The following BTBD16 variants were observed in gnomAD, a reference collection of about 807,000 sequenced individuals.
BTBD16 encodes BTB/POZ domain-containing protein 16.
In BTBD16, 66 loss-of-function variants were observed where a neutral mutation model predicts 67.4. The ratio of observed to expected loss-of-function variants is 0.98; its 90% CI spans 0.80 to 1.20. The LOEUF (loss-of-function observed/expected upper bound fraction) is 1.20, where lower values mean the gene tolerates loss of function less well. BTBD16 is among the 50% of genes most tolerant of loss of function. BTBD16 has a pLI of 0.00. For missense variants in BTBD16, 634 were observed against 616.0 expected, an observed-to-expected ratio of 1.03 and a Z score of -0.31; for synonymous variants, 242 against 236.4, an observed-to-expected ratio of 1.02 and a Z score of -0.22.
At chr10:122,290,789 A>G (rs2096372495) in intron 6 of BTBD16, among the ~76,000 whole-genome samples, 2 of 152,164 alleles carry the variant, frequency 1.3e-5, no homozygotes, top group South Asian at 4.1e-4. Context: ...TGCGCAGGCC[A>G]CAGACCCCAG....
intron 15 of BTBD16, among the ~76,000 whole-genome samples, chr10:122,337,701 G>A (rs1286113083): frequency 6.6e-6 from 1 of 152,142 alleles, no homozygotes; most frequent in Non-Finnish European, 1.5e-5. Context: ...TCCTGACCTC[G>A]TGATCCATCC....
intron 10 of BTBD16, among the ~76,000 whole-genome samples, chr10:122,321,889 A>G (rs1195214259): frequency 6.6e-6 from 1 of 152,144 alleles, no homozygotes; most frequent in African/African-American, 2.4e-5. Context: ...GACAATCACA[A>G]AATTTTTTGA....
rs554646012 is a variant in BTBD16, at chr10:122,288,244, C to T, written c.386-1665C>T. Reference sequence around the variant, plus strand: ...GCATCCTCCCATTTACTCCCTGCCACGGGGTGGATGGCAGGCTGGCGTGAG... The same window carrying T: ...GCATCCTCCCATTTACTCCCTGCCATGGGGTGGATGGCAGGCTGGCGTGAG... On this transcript the variant is annotated intron_variant, in intron 5 of 15. Transcript: ENST00000260723. Among the ~76,000 whole-genome samples, 37 of 152,284 alleles carry T rather than the reference C, an allele frequency of 2.4e-4. No homozygotes were observed. The East Asian group carries it at 6.8e-3, about 28-fold the overall frequency.
At chr10:122,335,381 G>C (rs1001829870) in intron 14 of BTBD16, among the ~76,000 whole-genome samples, 1 of 152,230 alleles carries the variant, frequency 6.6e-6, no homozygotes, top group Non-Finnish European at 1.5e-5. Flanking sequence ...AAGCTGCAAA[G>C]CAGGCTGTGG....
At chr10:122,308,056 C>T (rs1455797080) in intron 10 of BTBD16, among the ~76,000 whole-genome samples, 1 of 152,226 alleles carries the variant, frequency 6.6e-6, no homozygotes, top group Admixed American at 6.5e-5. Context: ...CGCCCTCCCC[C>T]ACTCTTTTAA....
chr10:122,336,952 T>TG (rs1366031078), intron 15 of BTBD16, among the ~76,000 whole-genome samples: 5 of 148,748 alleles, frequency 3.4e-5, no homozygotes, highest in African/African-American at 9.9e-5. Context: ...TCAAAGGGTA[T>TG]TTTTTTTTTA....
rs1263269726 is a variant in BTBD16, at chr10:122,286,215, C to T, written c.352C>T (p.His118Tyr). The T allele has an allele frequency of 2.5e-6, 4 of 1,613,482 alleles. No individual in the cohort carries two copies. The highest frequency in any genetic ancestry group is 1.1e-5 in the South Asian group (1 of 91,004). ...GAAAGCCCTGGCGCAGGGCACCACACACCCCCTGAGGGAGCTGGAGGAGCT... is the reference window on the plus strand; with the variant it reads ...GAAAGCCCTGGCGCAGGGCACCACATACCCCCTGAGGGAGCTGGAGGAGCT... ...YLKALAQGTT[H>Y]PLRELEELLR... Residue 118 changes from histidine (H) to tyrosine (Y), a missense_variant, in exon 5 of 16, where the codon CAC (histidine) becomes TAC (tyrosine). Physicochemically the swap from His to Tyr is moderately conservative, Grantham distance 83. Coordinates refer to ENST00000260723, the MANE Select transcript of BTBD16 (RefSeq NM_144587.5).
At chr10:122,275,189 C>A in intron 2 of BTBD16, 90 bp downstream of exon 2, 1 of 1,265,298 alleles carries the variant, frequency 7.9e-7, no homozygotes, top group South Asian at 1.2e-5. Flanking sequence ...GGGCTGGGTT[C>A]TGCACCACCG....
chr10:122,331,397 G>A, intron 12 of BTBD16, 139 bp downstream of exon 12: 1 of 1,299,810 alleles, frequency 7.7e-7, no homozygotes, highest in Non-Finnish European at 1.0e-6. Context: ...TCCAGGGAAA[G>A]TGGGGAGAGC....
At chr10:122,284,291 A>T (rs1280697599) in intron 4 of BTBD16, among the ~76,000 whole-genome samples, 1 of 152,154 alleles carries the variant, frequency 6.6e-6, no homozygotes, top group Non-Finnish European at 1.5e-5. Context: ...TCTACTAAAA[A>T]TACAAAAACT....
chr10:122,324,435 G>A (rs1048764277), intron 10 of BTBD16, among the ~76,000 whole-genome samples: 1 of 152,226 alleles, frequency 6.6e-6, no homozygotes, highest in African/African-American at 2.4e-5. Flanking sequence ...CAGGGTGGGC[G>A]AGGCCATGTG....
At chr10:122,295,265 G>A (rs2096381046) in intron 7 of BTBD16, 4 of 977,540 alleles carry the variant, frequency 4.1e-6, no homozygotes, top group Admixed American at 6.1e-5. Flanking sequence ...CCAAGAGGAG[G>A]TGGTGCTGGA....
intron 9 of BTBD16, among the ~76,000 whole-genome samples, chr10:122,304,367 T>G (rs1490053664): frequency 6.6e-6 from 1 of 152,122 alleles, no homozygotes; most frequent in East Asian, 1.9e-4. Context: ...CATAGAGTGG[T>G]TGAATGTGGA....
chr10:122,310,898 C>T (rs908458106), intron 10 of BTBD16, among the ~76,000 whole-genome samples: 2 of 152,126 alleles, frequency 1.3e-5, no homozygotes, highest in African/African-American at 2.4e-5. Context: ...GCAGCAACTG[C>T]GGGCATGGCC....
intron 3 of BTBD16, among the ~76,000 whole-genome samples, chr10:122,283,351 G>A (rs1354875754): frequency 6.6e-6 from 1 of 152,218 alleles, no homozygotes; most frequent in Non-Finnish European, 1.5e-5. Flanking sequence ...GCAGGCTGGT[G>A]GTGCCATTTC....
chr10:122,275,174 A>C (rs920982980), intron 2 of BTBD16, 75 bp downstream of exon 2: 6 of 1,461,790 alleles, frequency 4.1e-6, no homozygotes, highest in Middle Eastern at 3.5e-4. Flanking sequence ...ACAAATTTCC[A>C]CAAGGGGCTG....
intron 3 of BTBD16, 65 bp from the exon 4 acceptor site, chr10:122,283,786 A>G: frequency 1.7e-6 from 2 of 1,205,764 alleles, no homozygotes; most frequent in South Asian, 1.2e-5. Flanking sequence ...AGAATAATGC[A>G]TGTTGTAGTT....
chr10:122,283,955 G>A (rs370258698), intron 4 of BTBD16, 31 bp downstream of exon 4: 50 of 1,527,012 alleles, frequency 3.3e-5, no homozygotes, highest in Non-Finnish European at 4.4e-5. Context: ...GATTAAGCCA[G>A]AATGTTGCTG....
At chr10:122,297,990 GTT>G (rs112980009) in intron 8 of BTBD16, among the ~76,000 whole-genome samples, 153 bp downstream of exon 8, 2 of 147,318 alleles carry the variant, frequency 1.4e-5, no homozygotes, top group Admixed American at 6.7e-5. Context: ...ACATTTGTGT[GTT>G]TTTTTTTTTA....
Sources: gnomAD v4.1 joint callset for allele counts (sites outside exome capture counted in the v4.1 genomes callset) on GRCh38, gnomAD v4.1.1 for gene constraint, MANE v1.5 for transcripts, NCBI Gene and HGNC (gene_info 2026-07-23, HGNC 2026-07-21) for gene names.